Variants in ROBO1 observed in about 807,000 individuals in gnomAD.
ROBO1 encodes the protein roundabout homolog 1.
A neutral mutation model predicts 195.9 loss-of-function variants in ROBO1; 149 were observed. The observed-to-expected ratio is 0.76, with a 90% CI of 0.67 to 0.87. ROBO1 has a LOEUF of 0.87. Among genes scored for constraint, ROBO1 ranks in the 40% least tolerant of loss-of-function variants. The pLI is 0.00. For missense variants in ROBO1, 1,933 were observed against 2,068.3 expected (o/e 0.93, Z 1.27); for synonymous variants, 816 against 733.2 (o/e 1.11, Z -1.82).
At chr3:79,129,842 T>C (rs1576713170) in intron 2 of ROBO1, among the ~76,000 whole-genome samples, 1 of 150,860 alleles carries the variant, frequency 6.6e-6, no homozygotes, top group South Asian at 2.1e-4. Flanking sequence ...TAATCCATCT[T>C]GAATTGATTT....
intron 2 of ROBO1, among the ~76,000 whole-genome samples, chr3:79,416,334 T>C (rs892124429): frequency 2.0e-5 from 3 of 151,512 alleles, no homozygotes; most frequent in African/African-American, 7.3e-5. Context: ...GGCAGGGTGC[T>C]ATGTCGCATG....
At chr3:79,122,989 T>C (rs1043831348) in intron 3 of ROBO1, among the ~76,000 whole-genome samples, 1 of 152,002 alleles carries the variant, frequency 6.6e-6, no homozygotes, top group Non-Finnish European at 1.5e-5. Flanking sequence ...TTTTGAGATA[T>C]TGTGTAAATA....
intron 2 of ROBO1, among the ~76,000 whole-genome samples, chr3:79,364,938 G>A (rs920754664): frequency 1.3e-5 from 2 of 152,154 alleles, no homozygotes; most frequent in Admixed American, 6.5e-5. Flanking sequence ...CTGAAAAGTA[G>A]TTCTCTTTGG....
At chr3:78,839,318 G>T in intron 4 of ROBO1, among the ~76,000 whole-genome samples, 1 of 152,042 alleles carries the variant, frequency 6.6e-6, no homozygotes, top group Non-Finnish European at 1.5e-5. Flanking sequence ...ATAATGTAAT[G>T]ATGTATAATA....
intron 5 of ROBO1, among the ~76,000 whole-genome samples, chr3:78,725,039 G>A (rs73109774): frequency 0.22 from 34,049 of 152,094 alleles, 3,895 homozygotes; most frequent in Non-Finnish European, 0.24. Context: ...CCGGGTAGTG[G>A]AGAAGCAGAA....
intron 2 of ROBO1, among the ~76,000 whole-genome samples, chr3:79,535,841 G>T (rs1343525540): frequency 2.6e-5 from 4 of 151,960 alleles, no homozygotes; most frequent in Non-Finnish European, 4.4e-5. Context: ...CTCTTCTCTC[G>T]ATCCCATTCC....
At chr3:78,906,036 A>G (rs1490148477) in intron 4 of ROBO1, among the ~76,000 whole-genome samples, 1 of 152,204 alleles carries the variant, frequency 6.6e-6, no homozygotes, top group African/African-American at 2.4e-5. Context: ...TAAGAATGTT[A>G]TAAATGTGAA....
chr3:79,472,860 T>G (rs542359940), intron 2 of ROBO1, among the ~76,000 whole-genome samples: 65 of 152,176 alleles, frequency 4.3e-4, no homozygotes, highest in African/African-American at 1.5e-3. Flanking sequence ...CTATCGTGAG[T>G]TATCAATCAA....
intron 2 of ROBO1, among the ~76,000 whole-genome samples, chr3:79,346,524 T>C (rs1022199320): frequency 2.6e-5 from 4 of 152,144 alleles, no homozygotes; most frequent in Non-Finnish European, 5.9e-5. Context: ...CTTTTTTTCT[T>C]TTGTTCATAC....
intron 28 of ROBO1, among the ~76,000 whole-genome samples, chr3:78,612,109 G>GA (rs1703854148): frequency 6.6e-6 from 1 of 152,046 alleles, no homozygotes; most frequent in African/African-American, 2.4e-5. Flanking sequence ...TCTTTATATA[G>GA]TTTTTAAAGA....
chr3:79,625,423 G>GAAAAAATAAAAAAAAAAA (rs1945137833), intron 1 of ROBO1, among the ~76,000 whole-genome samples: 1 of 13,876 alleles, frequency 7.2e-5, no homozygotes, highest in Non-Finnish European at 1.3e-4. Context: ...TGTTTTTTTT[G>GAAAAAATAAAAAAAAAAA]AAAAAAAAAA....
At chr3:78,636,935 T>TTCTATA (rs1553688373) in intron 22 of ROBO1, among the ~76,000 whole-genome samples, 1 of 96,704 alleles carries the variant, frequency 1.0e-5, no homozygotes, top group Non-Finnish European at 2.1e-5. Flanking sequence ...TACATTCATT[T>TTCTATA]TATATATATA....
At chr3:79,548,287 T>G (rs1267300800) in intron 2 of ROBO1, among the ~76,000 whole-genome samples, 1 of 152,176 alleles carries the variant, frequency 6.6e-6, no homozygotes, top group Non-Finnish European at 1.5e-5. Context: ...TTTGGAAAAG[T>G]TCCATTAATT....
chr3:79,026,916 A>T (rs2078212588), intron 3 of ROBO1, among the ~76,000 whole-genome samples: 1 of 152,116 alleles, frequency 6.6e-6, no homozygotes, highest in Non-Finnish European at 1.5e-5. Flanking sequence ...TTTTTAAAAA[A>T]AAATCCTTCC....
chr3:79,120,885 C>A (rs1180020150), intron 3 of ROBO1, among the ~76,000 whole-genome samples: 1 of 151,926 alleles, frequency 6.6e-6, no homozygotes, highest in Non-Finnish European at 1.5e-5. Context: ...AATAAAGTGA[C>A]AGTAAGATAA....
intron 1 of ROBO1, among the ~76,000 whole-genome samples, chr3:79,601,576 A>G (rs1944340335): frequency 1.3e-5 from 2 of 151,978 alleles, no homozygotes; most frequent in African/African-American, 4.8e-5. Flanking sequence ...AGTAGTACGA[A>G]CACAGACATG....
At chr3:79,688,550 A>G (rs1947204209) in intron 1 of ROBO1, among the ~76,000 whole-genome samples, 1 of 152,104 alleles carries the variant, frequency 6.6e-6, no homozygotes, top group Non-Finnish European at 1.5e-5. Flanking sequence ...TTCTTCCACC[A>G]TTCCCACTGA....
intron 18 of ROBO1, among the ~76,000 whole-genome samples, chr3:78,654,148 T>C (rs1228958167): frequency 6.6e-6 from 1 of 152,218 alleles, no homozygotes; most frequent in Non-Finnish European, 1.5e-5. Flanking sequence ...TAAATGACAT[T>C]GCATCTTGAT....
chr3:79,101,168 C>T (rs2079669060), intron 3 of ROBO1, among the ~76,000 whole-genome samples: 1 of 151,668 alleles, frequency 6.6e-6, no homozygotes, highest in South Asian at 2.1e-4. Context: ...TACTCTGGCA[C>T]CTGAGAACGC....
Sources: gnomAD v4.1 joint callset for allele counts (sites outside exome capture counted in the v4.1 genomes callset) on GRCh38, gnomAD v4.1.1 for gene constraint, MANE v1.5 for transcripts, NCBI Gene and HGNC (gene_info 2026-07-23, HGNC 2026-07-21) for gene names.